DACH2: variants seen among roughly 807,000 people sequenced by gnomAD.
The protein encoded by DACH2 is dachshund family transcription factor 2.
A neutral mutation model predicts 35.8 loss-of-function variants in DACH2; 17 were observed. That is an observed-to-expected ratio of 0.48 (90% CI 0.33 to 0.71). The LOEUF (loss-of-function observed/expected upper bound fraction) is 0.71, where lower values mean the gene tolerates loss of function less well. Ranked by LOEUF, DACH2 falls within the 30% of genes least tolerant of loss-of-function variation. The pLI is 0.02. For synonymous variants in DACH2, 195 were observed against 177.3 expected (o/e 1.10, Z -0.79); for missense variants, 469 against 472.7 (o/e 0.99, Z 0.07).
intron 1 of DACH2, among the ~76,000 whole-genome samples, chrX:86,324,892 G>T (rs868241742): frequency 3.3e-4 from 37 of 110,472 alleles, no homozygotes; most frequent in African/African-American, 1.2e-3. Flanking sequence ...TCAGTCAGAA[G>T]CCATCAACAT....
chrX:86,245,817 T>C (rs1456758469), intron 1 of DACH2, among the ~76,000 whole-genome samples: 1 of 111,973 alleles, frequency 8.9e-6, no homozygotes, highest in Non-Finnish European at 1.9e-5. Flanking sequence ...CCATGATTTT[T>C]AACCAGGCTG....
In DACH2 at chrX:86,346,733, C is replaced by T. The variant is rs73241028; in HGVS notation, c.489-30091C>T. ...AAAGATGAATTAAAATATGGATCCC[C>T]TATACTTTTTTGTGGTGATTGTATG... On this transcript the variant is annotated intron_variant, in intron 1 of 11. Transcript: ENST00000373125. Among the ~76,000 whole-genome samples the T allele has an allele frequency of 7.6e-4, 85 of 111,639 alleles. 1 individual carries two copies. The highest frequency in any genetic ancestry group is 6.3e-3 in the South Asian group (17 of 2,696).
intron 1 of DACH2, among the ~76,000 whole-genome samples, chrX:86,294,618 C>G (rs1374475582): frequency 9.1e-6 from 1 of 109,387 alleles, no homozygotes; most frequent in Non-Finnish European, 1.9e-5. Context: ...GATGTCCTTT[C>G]TGTTTGTTAG....
chrX:86,305,607 A>C lies in DACH2; in HGVS notation c.489-71217A>C, dbSNP rs1353968464. ...TTTCATCAAACTAAAATGCTTCTGCATAGCAAAGGAAATAATAGAGTGAAG... is the reference window on the plus strand; with the variant it reads ...TTTCATCAAACTAAAATGCTTCTGCCTAGCAAAGGAAATAATAGAGTGAAG... On this transcript the variant is annotated intron_variant, in intron 1 of 11. Coordinates refer to ENST00000373125, the MANE Select transcript of DACH2 (RefSeq NM_053281.3). 3.6e-5 allele frequency among the ~76,000 whole-genome samples: 4 copies of C among 111,426 alleles called. No homozygotes were observed. The South Asian group carries it at 1.5e-3, about 42-fold the overall frequency.
At chrX:86,305,963 T>A (rs1286943312) in intron 1 of DACH2, among the ~76,000 whole-genome samples, 1 of 111,933 alleles carries the variant, frequency 8.9e-6, no homozygotes, top group Non-Finnish European at 1.9e-5. Context: ...CTGGCAATGA[T>A]ACGGTTAAAA....
rs187868559 is a variant in DACH2, at chrX:86,504,989, C to G, written c.528-9290C>G. Among the ~76,000 whole-genome samples, 9 of 111,855 alleles carry G rather than the reference C, an allele frequency of 8.0e-5. No individual in the cohort carries two copies. The East Asian group carries it at 2.5e-3, about 32-fold the overall frequency. ...ATTGCAGTTATATTAAGAAAAATTA[C>G]AGTTGTGAAATTAAAATGCAAAGCT... On this transcript the variant is annotated intron_variant, in intron 2 of 11. Transcript: ENST00000373125.
At chrX:86,618,632 T>A (rs1279699964) in intron 3 of DACH2, among the ~76,000 whole-genome samples, 1 of 112,265 alleles carries the variant, frequency 8.9e-6, no homozygotes, top group Admixed American at 9.5e-5. Context: ...ATTAATTGTT[T>A]AGTTATCGTA....
chrX:86,328,465 A>T (rs895378225), intron 1 of DACH2, among the ~76,000 whole-genome samples: 8 of 112,118 alleles, frequency 7.1e-5, no homozygotes, highest in Non-Finnish European at 1.5e-4. Context: ...TAAGAAACCT[A>T]TTAAGTTAAT....
chrX:86,535,836 A>C (rs1243931494), intron 3 of DACH2, among the ~76,000 whole-genome samples: 1 of 111,471 alleles, frequency 9.0e-6, no homozygotes, highest in African/African-American at 3.3e-5. Context: ...AAGGCGGGAA[A>C]TACGTGCAGT....
intron 1 of DACH2, among the ~76,000 whole-genome samples, chrX:86,229,880 G>A (rs2032911679): frequency 9.1e-6 from 1 of 110,280 alleles, no homozygotes; most frequent in African/African-American, 3.3e-5. Flanking sequence ...GAGTCCTTAG[G>A]GTTTTCAAGG....
chrX:86,770,195 A>G (rs776743878), intron 7 of DACH2, among the ~76,000 whole-genome samples: 57 of 109,699 alleles, frequency 5.2e-4, no homozygotes, highest in African/African-American at 1.9e-3. Flanking sequence ...AAGCACTAAT[A>G]TACCACATAT....
chrX:86,403,760 A>G (rs1251405940), intron 2 of DACH2, among the ~76,000 whole-genome samples: 3 of 111,858 alleles, frequency 2.7e-5, no homozygotes, highest in Non-Finnish European at 5.6e-5. Flanking sequence ...TAGTAATACT[A>G]TTCACAATAG....
intron 2 of DACH2, among the ~76,000 whole-genome samples, chrX:86,393,805 T>G (rs946958052): frequency 9.0e-6 from 1 of 111,088 alleles, no homozygotes; most frequent in Non-Finnish European, 1.9e-5. Context: ...TTAACTTCAG[T>G]CTCTTCATTT....
At chrX:86,245,544 G>A (rs1311924210) in intron 1 of DACH2, among the ~76,000 whole-genome samples, 1 of 111,945 alleles carries the variant, frequency 8.9e-6, no homozygotes, top group Non-Finnish European at 1.9e-5. Flanking sequence ...CGAGGTTATA[G>A]CATGTAGCCC....
At chrX:86,236,996 G>A (rs759587101) in intron 1 of DACH2, among the ~76,000 whole-genome samples, 6 of 112,236 alleles carry the variant, frequency 5.3e-5, no homozygotes, top group Non-Finnish European at 9.4e-5. Context: ...TTGTACAATT[G>A]TACAAAAATA....
At chrX:86,676,174 T>A (rs1346739116) in intron 4 of DACH2, among the ~76,000 whole-genome samples, 1 of 112,077 alleles carries the variant, frequency 8.9e-6, no homozygotes, top group Non-Finnish European at 1.9e-5. Flanking sequence ...TCACACTACA[T>A]ACCTTGGCTA....
chrX:86,630,553 T>C (rs2040188988), intron 3 of DACH2, among the ~76,000 whole-genome samples: 1 of 111,281 alleles, frequency 9.0e-6, no homozygotes, highest in Non-Finnish European at 1.9e-5. Flanking sequence ...AAATAGATGC[T>C]CTTTTAACAT....
At chrX:86,481,357 GT>G (rs1388768251) in intron 2 of DACH2, among the ~76,000 whole-genome samples, 1 of 111,872 alleles carries the variant, frequency 8.9e-6, no homozygotes, top group Non-Finnish European at 1.9e-5. Flanking sequence ...CAGTCAAAAT[GT>G]TTTTATGGAT....
At chrX:86,736,940 C>A (rs757318871) in intron 6 of DACH2, among the ~76,000 whole-genome samples, 1 of 111,264 alleles carries the variant, frequency 9.0e-6, no homozygotes, top group Non-Finnish European at 1.9e-5. Context: ...GAATGTTCTG[C>A]GGTTTTTGCA....
Sources: allele counts gnomAD v4.1 joint callset (sites outside exome capture counted in the v4.1 genomes callset), GRCh38; gene constraint gnomAD v4.1.1; transcripts MANE v1.5; gene names NCBI Gene and HGNC (gene_info 2026-07-23, HGNC 2026-07-21).